Variants in AK9 observed in about 807,000 individuals in gnomAD.
The protein encoded by AK9 is adenylate kinase domain containing 1.
A neutral mutation model predicts 239.6 loss-of-function variants in AK9; 191 were observed. That is an observed-to-expected ratio of 0.80 (90% CI 0.71 to 0.90). The LOEUF (loss-of-function observed/expected upper bound fraction) is 0.90, where lower values mean the gene tolerates loss of function less well. Among genes scored for constraint, AK9 ranks in the 40% least tolerant of loss-of-function variants. AK9 has a pLI of 0.00. For missense variants in AK9, 1,995 were observed against 2,214.7 expected (o/e 0.90, Z 1.99); for synonymous variants, 689 against 721.0 (o/e 0.96, Z 0.71).
chr6:109,509,707 C>G lies in AK9; in HGVS notation c.4280-327G>C, dbSNP rs202142592. Among the ~76,000 whole-genome samples the G allele has an allele frequency of 7.9e-5, 12 of 152,224 alleles. No homozygotes were observed. In the East Asian group the frequency reaches 2.3e-3, roughly 30 times the overall value. ...GCAGCCAGGAGCAGGTAAGACCTGC[C>G]CTCTTGGGTGTAGCTGCAGCCACCT... On this transcript the variant is annotated intron_variant, in intron 32 of 40. Transcript: ENST00000424296.
intron 17 of AK9, among the ~76,000 whole-genome samples, chr6:109,590,821 G>A (rs1208806776): frequency 6.6e-6 from 1 of 152,238 alleles, no homozygotes; most frequent in East Asian, 1.9e-4. Context: ...CCATGCATTT[G>A]TATGGCTTTG....
chr6:109,649,219 A>G (rs531770930), intron 8 of AK9, among the ~76,000 whole-genome samples: 4 of 151,922 alleles, frequency 2.6e-5, no homozygotes, highest in Admixed American at 1.3e-4. Context: ...CCTATTCAAC[A>G]TAGTGTTGGA....
intron 17 of AK9, among the ~76,000 whole-genome samples, chr6:109,604,218 G>GTGTAAA (rs1054580202): frequency 9.2e-5 from 14 of 152,010 alleles, no homozygotes; most frequent in African/African-American, 3.4e-4. Context: ...TGGAACCGCC[G>GTGTAAA]TGTAAATTTT....
chr6:109,601,211 T>C (rs1431002571), intron 17 of AK9, among the ~76,000 whole-genome samples: 1 of 152,218 alleles, frequency 6.6e-6, no homozygotes, highest in Non-Finnish European at 1.5e-5. Flanking sequence ...CTTGTGGGCA[T>C]TTAGTGCTAT....
chr6:109,560,587 C>A (rs1785628184), intron 24 of AK9, among the ~76,000 whole-genome samples: 1 of 152,152 alleles, frequency 6.6e-6, no homozygotes, highest in Admixed American at 6.5e-5. Flanking sequence ...AAACGTTAAA[C>A]TAACCTTGAA....
chr6:109,662,516 GT>G, intron 6 of AK9, 34 bp downstream of exon 6: 1 of 1,424,070 alleles, frequency 7.0e-7, no homozygotes, highest in Non-Finnish European at 9.3e-7. Context: ...AAAAAGAATG[GT>G]TTACTCTACT....
chr6:109,611,969 C>T (rs1420386491), intron 16 of AK9, 41 bp downstream of exon 16: 2 of 1,333,886 alleles, frequency 1.5e-6, no homozygotes, highest in Admixed American at 5.4e-5. Flanking sequence ...TTTTTTAGAA[C>T]CACAATCTAA....
At chr6:109,524,277 G>A (rs575273121) in intron 29 of AK9, among the ~76,000 whole-genome samples, 1 of 152,002 alleles carries the variant, frequency 6.6e-6, no homozygotes, top group East Asian at 1.9e-4. Flanking sequence ...AGAAGAGAGA[G>A]AAAAAAGATG....
intron 27 of AK9, among the ~76,000 whole-genome samples, chr6:109,540,091 C>G (rs13201951): frequency 0.35 from 52,671 of 151,636 alleles, 9,547 homozygotes; most frequent in South Asian, 0.44. Flanking sequence ...TCTCAGATCT[C>G]AAACTCTGTG....
rs559379886 is a variant in AK9 at position 109,527,239 on chromosome 6, A to C, written c.3633+1772T>G. ...GAAATTAATGCAAGTAATGACTGGG[A>C]TATTGAAGTGATTTCTAATGTTGGA... is the stretch of plus-strand genomic sequence containing the variant. On this transcript the variant is annotated intron_variant, in intron 29 of 40. Coordinates refer to ENST00000424296, the MANE Select transcript of AK9 (RefSeq NM_001145128.3). Among the ~76,000 whole-genome samples, 23 of 152,346 alleles carry C rather than the reference A, an allele frequency of 1.5e-4. No individual in the cohort carries two copies. In the South Asian group the frequency reaches 4.6e-3, roughly 30 times the overall value.
intron 1 of AK9, among the ~76,000 whole-genome samples, chr6:109,685,407 T>G (rs965855404): frequency 3.9e-5 from 6 of 152,112 alleles, no homozygotes; most frequent in Non-Finnish European, 7.4e-5. Flanking sequence ...CCATAAAAAA[T>G]GATGAATTCA....
chr6:109,685,270 A>C (rs1773340429), intron 1 of AK9, among the ~76,000 whole-genome samples: 1 of 152,212 alleles, frequency 6.6e-6, no homozygotes, highest in South Asian at 2.1e-4. Context: ...CTATAAAGAC[A>C]CATGCACACA....
At chr6:109,590,520 C>A (rs565830745) in intron 17 of AK9, among the ~76,000 whole-genome samples, 2 of 152,070 alleles carry the variant, frequency 1.3e-5, no homozygotes, top group East Asian at 1.9e-4. Context: ...TTAATTAATT[C>A]TTTGTAATGT....
intron 32 of AK9, among the ~76,000 whole-genome samples, chr6:109,510,587 C>T (rs1459942643): frequency 2.0e-5 from 3 of 152,138 alleles, no homozygotes; most frequent in Non-Finnish European, 2.9e-5. Context: ...TCCAGGGCCT[C>T]TTCTCTGCTG....
chr6:109,666,500 C>T (rs980472430), intron 5 of AK9, among the ~76,000 whole-genome samples: 4 of 152,176 alleles, frequency 2.6e-5, no homozygotes, highest in African/African-American at 4.8e-5. Context: ...GGAGACTTTG[C>T]ATGTTCTATC....
At position 109,563,613 on chromosome 6, in the gene AK9, TC is replaced by T; in HGVS notation, c.2734del (p.Glu912LysfsTer11). Reference protein sequence around the residue: ...TEAEVDEELEEEEEEEGEDKM... With the variant: ...TEAEVDEELEXEEEEEGEDKM... Reference sequence around the variant, plus strand: ...GAATCATGCCTCTTCCTCTTCCTCTTCCTCTAGCTCCTCATCAACCTCTGCT... The same window carrying T: ...GAATCATGCCTCTTCCTCTTCCTCTTCTCTAGCTCCTCATCAACCTCTGCT... On this transcript the variant is annotated frameshift_variant, in exon 24 of 41. Coordinates refer to ENST00000424296, the MANE Select transcript of AK9 (RefSeq NM_001145128.3). LOFTEE classifies it high-confidence loss of function. The T allele has an allele frequency of 5.8e-6, 9 of 1,551,126 alleles. No individual in the cohort carries two copies. The highest frequency in any genetic ancestry group is 7.8e-6 in the Non-Finnish European group (9 of 1,146,678).
chr6:109,574,368 T>C (rs1787803636), intron 20 of AK9, among the ~76,000 whole-genome samples: 1 of 152,070 alleles, frequency 6.6e-6, no homozygotes, highest in African/African-American at 2.4e-5. Flanking sequence ...AATGAGACTC[T>C]GGCTCAAAAC....
intron 13 of AK9, among the ~76,000 whole-genome samples, chr6:109,618,111 A>G (rs1433129875): frequency 6.6e-6 from 1 of 152,186 alleles, no homozygotes; most frequent in Non-Finnish European, 1.5e-5. Context: ...GAATGGATGC[A>G]CTGATGGCCA....
At chr6:109,497,341 CA>C in intron 38 of AK9, 123 bp downstream of exon 38, 1 of 583,070 alleles carries the variant, frequency 1.7e-6, no homozygotes, top group Non-Finnish European at 3.0e-6. Flanking sequence ...CACACACACA[CA>C]CACACACACA....
Sources: gnomAD v4.1 joint callset for allele counts (sites outside exome capture counted in the v4.1 genomes callset) on GRCh38, gnomAD v4.1.1 for gene constraint, MANE v1.5 for transcripts, NCBI Gene and HGNC (gene_info 2026-07-23, HGNC 2026-07-21) for gene names.